CACNA1C: variants seen among roughly 807,000 people sequenced by gnomAD.
CACNA1C encodes the protein voltage-dependent L-type calcium channel subunit alpha-1C.
CACNA1C carries 30 observed loss-of-function variants against 229.0 expected under a neutral mutation model. That is an observed-to-expected ratio of 0.13 (90% CI 0.10 to 0.18). The LOEUF is 0.18. Among genes scored for constraint, CACNA1C ranks in the 10% least tolerant of loss-of-function variants. The pLI is 1.00. For synonymous variants in CACNA1C, 1,114 were observed against 1,132.5 expected, an observed-to-expected ratio of 0.98 and a Z score of 0.33; for missense variants, 1,658 against 2,845.0, an observed-to-expected ratio of 0.58 and a Z score of 9.49.
At chr12:2,003,185 G>T (rs2042586375) in intron 1 of CACNA1C, among the ~76,000 whole-genome samples, 2 of 152,106 alleles carry the variant, frequency 1.3e-5, no homozygotes, top group African/African-American at 2.4e-5. Context: ...TTTCAGGTGA[G>T]TTTTTTACTA....
intron 13 of CACNA1C, among the ~76,000 whole-genome samples, chr12:2,576,921 T>C (rs76898329): frequency 0.064 from 9,748 of 152,258 alleles, 346 homozygotes; most frequent in African/African-American, 0.078. Flanking sequence ...TGCCACATCA[T>C]CATTTCAGCA....
intron 1 of CACNA1C, among the ~76,000 whole-genome samples, chr12:1,996,345 T>C (rs1302315382): frequency 6.6e-6 from 1 of 152,088 alleles, no homozygotes; most frequent in Non-Finnish European, 1.5e-5. Context: ...TGCTAACTAC[T>C]ATAAACCAGT....
intron 3 of CACNA1C, among the ~76,000 whole-genome samples, chr12:2,197,261 G>C (rs1170089007): frequency 2.0e-5 from 3 of 152,204 alleles, no homozygotes. Flanking sequence ...CCCTGTTACA[G>C]TGTGTAAACT....
At chr12:2,444,610 A>T (rs2099260542) in intron 3 of CACNA1C, among the ~76,000 whole-genome samples, 1 of 152,074 alleles carries the variant, frequency 6.6e-6, no homozygotes. Flanking sequence ...CCACTTCAGC[A>T]AGTTCATAAC....
At chr12:2,461,843 C>T (rs1297181286) in intron 5 of CACNA1C, among the ~76,000 whole-genome samples, 1 of 152,208 alleles carries the variant, frequency 6.6e-6, no homozygotes, top group Non-Finnish European at 1.5e-5. Flanking sequence ...CGCTGGCCGC[C>T]CTCGCCTCCG....
At position 2,564,231 on chromosome 12, in the gene CACNA1C, G is replaced by T. The variant is rs548207275; in HGVS notation, c.1509-2191G>T. Among the ~76,000 whole-genome samples, 10 of 152,006 alleles carry T rather than the reference G, an allele frequency of 6.6e-5. 1 individual carries two copies. Among genetic ancestry groups the T allele is most frequent in the South Asian group, 4.2e-4 (2 of 4,816 alleles). ...AAGCAGTTTCCTTACGATATGATAC[G>T]CACTGTGATATTTTCCACTCTATTC... On this transcript the variant is annotated intron_variant, in intron 11 of 46. Coordinates refer to ENST00000399655, the MANE Select transcript of CACNA1C (RefSeq NM_000719.7).
chr12:2,315,773 G>A (rs889356756), intron 3 of CACNA1C, among the ~76,000 whole-genome samples: 2 of 152,194 alleles, frequency 1.3e-5, no homozygotes, highest in African/African-American at 2.4e-5. Flanking sequence ...GTGAATGAAT[G>A]ATTAGTTTTA....
chr12:2,391,063 C>T (rs1044673962), intron 3 of CACNA1C, among the ~76,000 whole-genome samples: 4 of 152,190 alleles, frequency 2.6e-5, no homozygotes, highest in South Asian at 2.1e-4. Flanking sequence ...GCAGCTGAGA[C>T]GATAGGACGC....
At chr12:2,261,668 C>T (rs1436487135) in intron 3 of CACNA1C, among the ~76,000 whole-genome samples, 2 of 152,290 alleles carry the variant, frequency 1.3e-5, no homozygotes, top group South Asian at 4.1e-4. Flanking sequence ...ACAAACAGCA[C>T]TATTTACTAG....
At chr12:2,377,644 A>T (rs2098116374) in intron 3 of CACNA1C, among the ~76,000 whole-genome samples, 1 of 152,192 alleles carries the variant, frequency 6.6e-6, no homozygotes, top group African/African-American at 2.4e-5. Flanking sequence ...AGCACACGTT[A>T]TATGTTCTTT....
intron 22 of CACNA1C, among the ~76,000 whole-genome samples, chr12:2,603,954 G>A (rs1219196152): frequency 6.6e-6 from 1 of 152,192 alleles, no homozygotes; most frequent in Non-Finnish European, 1.5e-5. Context: ...GATCTAACGT[G>A]AATGGACCGA....
chr12:2,528,044 C>G (rs1308999131), intron 9 of CACNA1C, among the ~76,000 whole-genome samples: 1 of 152,094 alleles, frequency 6.6e-6, no homozygotes, highest in Non-Finnish European at 1.5e-5. Flanking sequence ...AAGTCCTACC[C>G]CTTGATTAGA....
intron 3 of CACNA1C, among the ~76,000 whole-genome samples, chr12:2,192,606 G>T (rs1253020056): frequency 3.9e-5 from 6 of 152,242 alleles, no homozygotes; most frequent in Admixed American, 3.9e-4. Flanking sequence ...TTTCATTAAA[G>T]TTAATTTTCC....
rs187617216 is a variant in CACNA1C at position 2,467,213 on chromosome 12, C to T, written c.757+9507C>T. On this transcript the variant is annotated intron_variant, in intron 5 of 46. Coordinates refer to ENST00000399655, the MANE Select transcript of CACNA1C (RefSeq NM_000719.7). This position sits in a 1 kb window ranked among gnomAD's most constrained non-coding sequence, Gnocchi z 4.6. ...TCACTGCCACAGGAAGTACTCAAACCTTGTCCGCTGTATGTGTCTCATGGC... is the reference window on the plus strand; with the variant it reads ...TCACTGCCACAGGAAGTACTCAAACTTTGTCCGCTGTATGTGTCTCATGGC... Among the ~76,000 whole-genome samples the T allele has an allele frequency of 2.6e-5, 4 of 152,276 alleles. No homozygotes were observed. Among genetic ancestry groups the T allele is most frequent in the Admixed American group, 1.3e-4 (2 of 15,298 alleles).
At chr12:1,983,210 A>G (rs1444382978) in intron 1 of CACNA1C, among the ~76,000 whole-genome samples, 1 of 142,300 alleles carries the variant, frequency 7.0e-6, no homozygotes, top group Non-Finnish European at 1.5e-5. Context: ...TGGTTTCACT[A>G]ATTTTCTCTA....
chr12:2,612,050 CA>C, intron 29 of CACNA1C, 37 bp downstream of exon 29: 3 of 1,228,476 alleles, frequency 2.4e-6, no homozygotes, highest in Non-Finnish European at 3.6e-6. Flanking sequence ...TCCCAGGCAT[CA>C]GGGGTGGACA....
chr12:2,437,216 A>G (rs928099038), intron 3 of CACNA1C, among the ~76,000 whole-genome samples: 1 of 152,252 alleles, frequency 6.6e-6, no homozygotes, highest in Admixed American at 6.5e-5. Context: ...GGTGGTGACC[A>G]GGTCTGACAG....
chr12:2,564,525 C>T (rs1425163857), intron 11 of CACNA1C, among the ~76,000 whole-genome samples: 1 of 152,144 alleles, frequency 6.6e-6, no homozygotes, highest in Non-Finnish European at 1.5e-5. Context: ...CGTGGGTCTG[C>T]GTACAAGCCC....
intron 3 of CACNA1C, among the ~76,000 whole-genome samples, chr12:2,185,199 C>T (rs1396627413): frequency 2.0e-5 from 3 of 152,206 alleles, no homozygotes; most frequent in Non-Finnish European, 1.5e-5. Context: ...ACATTCTTCT[C>T]TATTTGAATG....
Sources: gnomAD v4.1 joint callset for allele counts (sites outside exome capture counted in the v4.1 genomes callset) on GRCh38, gnomAD v4.1.1 for gene constraint, Gnocchi (gnomAD v3.1) non-coding constraint, MANE v1.5 for transcripts, NCBI Gene and HGNC (gene_info 2026-07-23, HGNC 2026-07-21) for gene names.